SIPA1L1: variants seen among roughly 807,000 people sequenced by gnomAD.
The protein encoded by SIPA1L1 is signal induced proliferation associated 1 like 1, also known as signal-induced proliferation-associated 1-like protein 1.
In SIPA1L1, 26 loss-of-function variants were observed where a neutral mutation model predicts 162.7. The ratio of observed to expected loss-of-function variants is 0.16; its 90% CI spans 0.12 to 0.22. The LOEUF (loss-of-function observed/expected upper bound fraction) is 0.22. Among genes scored for constraint, SIPA1L1 ranks in the 10% least tolerant of loss-of-function variants. The pLI, the probability that SIPA1L1 is intolerant of heterozygous loss-of-function variation, is 1.00. For missense variants in SIPA1L1, 1,874 were observed against 2,241.0 expected, an observed-to-expected ratio of 0.84 and a Z score of 3.31; for synonymous variants, 829 against 837.4, an observed-to-expected ratio of 0.99 and a Z score of 0.17.
At chr14:71,546,833 A>G (rs1465468619) in intron 4 of SIPA1L1, among the ~76,000 whole-genome samples, 3 of 152,178 alleles carry the variant, frequency 2.0e-5, no homozygotes, top group African/African-American at 7.2e-5. Flanking sequence ...CTTTGGAAGG[A>G]ATGGACATCT....
At chr14:71,630,345 G>T (rs889205050) in intron 7 of SIPA1L1, among the ~76,000 whole-genome samples, 2 of 152,184 alleles carry the variant, frequency 1.3e-5, no homozygotes, top group Admixed American at 6.5e-5. Context: ...CCTGGCTGAG[G>T]CTGGATTGGA....
rs868371056 is a variant in SIPA1L1, at chr14:71,370,851, G to C, written c.-465+49670G>C. On this transcript the variant is annotated intron_variant, in intron 2 of 23. Coordinates refer to ENST00000381232, the MANE Select transcript of SIPA1L1 (RefSeq NM_001386936.1). ...TGTGACATCACAGTTTAGTTTCTAT[G>C]TTATTTATATTTGTATATCTTGTTT... Among the ~76,000 whole-genome samples the C allele has an allele frequency of 3.5e-4, 53 of 152,150 alleles. 1 individual carries two copies. Among genetic ancestry groups the C allele is most frequent in the African/African-American group, 1.2e-3 (50 of 41,500 alleles).
intron 4 of SIPA1L1, among the ~76,000 whole-genome samples, chr14:71,530,098 G>C (rs931772683): frequency 1.3e-5 from 2 of 152,192 alleles, no homozygotes; most frequent in African/African-American, 4.8e-5. Flanking sequence ...AAGCCAGTTT[G>C]AGTTAGGAGC....
chr14:71,703,705 C>CT (rs943805393), intron 15 of SIPA1L1, among the ~76,000 whole-genome samples: 1 of 152,132 alleles, frequency 6.6e-6, no homozygotes, highest in Non-Finnish European at 1.5e-5. Context: ...ACTTTAGCGG[C>CT]TTTTTTTGGC....
intron 2 of SIPA1L1, among the ~76,000 whole-genome samples, chr14:71,398,656 A>G (rs1379210282): frequency 2.0e-5 from 3 of 152,224 alleles, no homozygotes; most frequent in African/African-American, 7.2e-5. Context: ...TGGATGCCAG[A>G]AATGATGTAG....
intron 2 of SIPA1L1, among the ~76,000 whole-genome samples, chr14:71,506,703 T>A (rs2050697810): frequency 6.6e-6 from 1 of 152,212 alleles, no homozygotes; most frequent in South Asian, 2.1e-4. Flanking sequence ...TCATTTTTGC[T>A]TTAATGTTTA....
chr14:71,611,918 T>G (rs888591316), intron 5 of SIPA1L1, among the ~76,000 whole-genome samples: 1 of 152,098 alleles, frequency 6.6e-6, no homozygotes, highest in Admixed American at 6.6e-5. Flanking sequence ...ACATTGAGGG[T>G]GAAATTTTAT....
At chr14:71,555,733 C>G (rs1251111644) in intron 4 of SIPA1L1, among the ~76,000 whole-genome samples, 1 of 152,226 alleles carries the variant, frequency 6.6e-6, no homozygotes, top group East Asian at 1.9e-4. Flanking sequence ...TCAAGTTTCG[C>G]TTGAACTTAG....
Position 71,327,688 on chromosome 14 carries a change from G to A in SIPA1L1, c.-465+6507G>A, listed in dbSNP as rs927959243. On this transcript the variant is annotated intron_variant, in intron 2 of 23. Transcript: ENST00000381232. ...GCTGTGGCTCTGAACCATACTGCTT[G>A]ACTTTTAAAGACTTTTCAGAAACAC... Among the ~76,000 whole-genome samples the A allele has an allele frequency of 2.0e-5, 3 of 152,118 alleles. No homozygotes were observed. In the East Asian group the frequency reaches 5.8e-4, roughly 29 times the overall value.
At chr14:71,563,953 C>T (rs1313709557) in intron 4 of SIPA1L1, among the ~76,000 whole-genome samples, 1 of 152,134 alleles carries the variant, frequency 6.6e-6, no homozygotes, top group African/African-American at 2.4e-5. Flanking sequence ...TTCTCATTTT[C>T]CTTTTTTATT....
intron 2 of SIPA1L1, among the ~76,000 whole-genome samples, chr14:71,403,878 T>C (rs1225288763): frequency 6.6e-6 from 1 of 152,112 alleles, no homozygotes; most frequent in Non-Finnish European, 1.5e-5. Context: ...ATGATCACTG[T>C]ATTTCCTCCT....
intron 13 of SIPA1L1, among the ~76,000 whole-genome samples, chr14:71,689,045 G>A (rs530390707): frequency 3.3e-5 from 5 of 152,276 alleles, no homozygotes; most frequent in East Asian, 1.9e-4. Flanking sequence ...TTTACTGCTT[G>A]TAGAAGCATA....
At chr14:71,689,269 T>C (rs2081085423) in intron 13 of SIPA1L1, among the ~76,000 whole-genome samples, 1 of 152,218 alleles carries the variant, frequency 6.6e-6, no homozygotes, top group South Asian at 2.1e-4. Context: ...GATAATCCAT[T>C]TGGCATCTAA....
At chr14:71,451,160 G>T (rs1249875665) in intron 2 of SIPA1L1, among the ~76,000 whole-genome samples, 1 of 152,048 alleles carries the variant, frequency 6.6e-6, no homozygotes, top group Non-Finnish European at 1.5e-5. Flanking sequence ...CAGAAAGACT[G>T]CATGATCTCC....
At chr14:71,388,214 A>C (rs1353181431) in intron 2 of SIPA1L1, among the ~76,000 whole-genome samples, 1 of 152,234 alleles carries the variant, frequency 6.6e-6, no homozygotes, top group East Asian at 1.9e-4. Context: ...TTTTAGGATA[A>C]TGTACCACAA....
At chr14:71,438,823 C>G (rs1595465952) in intron 2 of SIPA1L1, among the ~76,000 whole-genome samples, 1 of 152,174 alleles carries the variant, frequency 6.6e-6, no homozygotes, top group Admixed American at 6.5e-5. Context: ...GGGTCATGCT[C>G]TCATGTGCTT....
intron 4 of SIPA1L1, among the ~76,000 whole-genome samples, chr14:71,582,030 G>A (rs909985861): frequency 3.3e-5 from 5 of 152,078 alleles, no homozygotes; most frequent in African/African-American, 9.7e-5. Context: ...GCCAGCTGTT[G>A]CATCAATTTA....
At chr14:71,532,249 GTTGGGT>G (rs1220398824) in intron 4 of SIPA1L1, among the ~76,000 whole-genome samples, 1 of 152,102 alleles carries the variant, frequency 6.6e-6, no homozygotes, top group Non-Finnish European at 1.5e-5. Context: ...GCATGTTATA[GTTGGGT>G]TTTAAGGGGA....
chr14:71,606,107 T>A (rs2037463209), intron 5 of SIPA1L1, among the ~76,000 whole-genome samples: 1 of 152,114 alleles, frequency 6.6e-6, no homozygotes, highest in Admixed American at 6.5e-5. Flanking sequence ...CCCTGGAAGA[T>A]TGCTCAGGTG....
Sources: gnomAD v4.1 joint callset for allele counts (sites outside exome capture counted in the v4.1 genomes callset) on GRCh38, gnomAD v4.1.1 for gene constraint, MANE v1.5 for transcripts, NCBI Gene and HGNC (gene_info 2026-07-23, HGNC 2026-07-21) for gene names.